Variants in MAGI3 observed in about 807,000 individuals in gnomAD.
MAGI3 encodes membrane-associated guanylate kinase, WW and PDZ domain-containing protein 3.
A neutral mutation model predicts 121.8 loss-of-function variants in MAGI3; 43 were observed. The ratio of observed to expected loss-of-function variants is 0.35; its 90% CI spans 0.28 to 0.46. The LOEUF is 0.46. Ranked by LOEUF, MAGI3 falls within the 20% of genes least tolerant of loss-of-function variation. MAGI3 has a pLI of 1.00. For missense variants in MAGI3, 1,547 were observed against 1,797.3 expected (o/e 0.86, Z 2.52); for synonymous variants, 553 against 639.3 (o/e 0.86, Z 2.04).
At chr1:113,582,758 G>A (rs1648116495) in intron 3 of MAGI3, among the ~76,000 whole-genome samples, 2 of 151,958 alleles carry the variant, frequency 1.3e-5, no homozygotes, top group East Asian at 3.9e-4. Context: ...TTTAATTGTA[G>A]ATGTGGCCAT....
rs183311135 is a variant in MAGI3 at position 113,626,241 on chromosome 1, A to G, written c.1360+3247A>G. Among the ~76,000 whole-genome samples, 3 of 152,332 alleles carry G rather than the reference A, an allele frequency of 2.0e-5. No individual in the cohort carries two copies. The East Asian group carries it at 5.8e-4, about 29-fold the overall frequency. On this transcript the variant is annotated intron_variant, in intron 9 of 20. Transcript: ENST00000307546. ...CAAATGATTATAGTTTTTATCCTTCATTCTGTTGATACCATGTATCACACT... is the reference window on the plus strand; with the variant it reads ...CAAATGATTATAGTTTTTATCCTTCGTTCTGTTGATACCATGTATCACACT...
chr1:113,562,120 T>A (rs1002070362), intron 2 of MAGI3, among the ~76,000 whole-genome samples: 1 of 152,068 alleles, frequency 6.6e-6, no homozygotes, highest in African/African-American at 2.4e-5. Flanking sequence ...TCAGAGATGA[T>A]GATGGCTGAG....
rs765368946 is a variant in MAGI3 at position 113,396,146 on chromosome 1, CAG to C, written c.316+4800_316+4801del. 3.6e-4 allele frequency among the ~76,000 whole-genome samples: 55 copies of C among 152,178 alleles called. No individual in the cohort carries two copies. The Middle Eastern group carries it at 0.01, about 28-fold the overall frequency. On this transcript the variant is annotated intron_variant, in intron 1 of 20. Coordinates refer to ENST00000307546, the MANE Select transcript of MAGI3 (RefSeq NM_001142782.2). ...AATCTTCTCAAGTGATAGTTTCATACAGAGTCTTTACTATGTAACCCCTAAGT... is the reference window on the plus strand; with the variant it reads ...AATCTTCTCAAGTGATAGTTTCATACAGTCTTTACTATGTAACCCCTAAGT...
chr1:113,609,018 G>C (rs993876350), intron 6 of MAGI3, among the ~76,000 whole-genome samples: 2 of 152,018 alleles, frequency 1.3e-5, no homozygotes, highest in Non-Finnish European at 2.9e-5. Context: ...TTTAATATGG[G>C]CTACTCTCCC....
rs1326761156 is a variant in MAGI3, at chr1:113,415,424, T to A, written c.316+24075T>A. ...AATTGGCTATTTTCAGAGGTTTGTGTATACCAGCAATAGTTGAGAATGAAT... is the reference window on the plus strand; with the variant it reads ...AATTGGCTATTTTCAGAGGTTTGTGAATACCAGCAATAGTTGAGAATGAAT... On this transcript the variant is annotated intron_variant, in intron 1 of 20. Coordinates refer to ENST00000307546, the MANE Select transcript of MAGI3 (RefSeq NM_001142782.2). Among the ~76,000 whole-genome samples the A allele has an allele frequency of 2.0e-5, 3 of 152,212 alleles. 1 individual carries two copies. The East Asian group carries it at 5.8e-4, about 29-fold the overall frequency.
rs150623953 is a variant in MAGI3, at chr1:113,683,905, C to T, written c.4337C>T (p.Pro1446Leu). 5.3e-4 allele frequency: 853 copies of T among 1,611,700 alleles called. 6 individuals carry two copies. In the African/African-American group the frequency reaches 9.6e-3, roughly 18 times the overall value. Residue 1446 changes from proline (P) to leucine (L), a missense_variant, in exon 21 of 21, where the codon CCG (proline) becomes CTG (leucine). Physicochemically the swap from Pro to Leu is moderately conservative, Grantham distance 98 (BLOSUM62 -3). Coordinates refer to ENST00000307546, the MANE Select transcript of MAGI3 (RefSeq NM_001142782.2). ...AACAAAGAGACTGGAAGGTTCAAAC[C>T]GGAAAGCAGTTCTCCAGTTAAGAAA... is the stretch of plus-strand genomic sequence containing the variant. ...DKNKETGRFK[P>L]ESSSPVKKTL...
chr1:113,442,326 G>A (rs945457382), intron 1 of MAGI3, among the ~76,000 whole-genome samples: 15 of 152,108 alleles, frequency 9.9e-5, no homozygotes, highest in African/African-American at 3.1e-4. Context: ...ATCTCATGCC[G>A]ATTAGTTAAC....
At chr1:113,409,892 A>G (rs1570631086) in intron 1 of MAGI3, among the ~76,000 whole-genome samples, 1 of 152,264 alleles carries the variant, frequency 6.6e-6, no homozygotes, top group African/African-American at 2.4e-5. Flanking sequence ...TTTCCTCTTA[A>G]CTTCCTGTGT....
At chr1:113,664,267 T>A (rs1653924900) in intron 16 of MAGI3, among the ~76,000 whole-genome samples, 1 of 152,256 alleles carries the variant, frequency 6.6e-6, no homozygotes, top group South Asian at 2.1e-4. Context: ...TTTTAAGATT[T>A]ATCTGCATTG....
chr1:113,518,288 T>G (rs746535935), intron 1 of MAGI3, among the ~76,000 whole-genome samples: 1 of 152,126 alleles, frequency 6.6e-6, no homozygotes, highest in African/African-American at 2.4e-5. Flanking sequence ...TTTCCTGTGT[T>G]TTGATATTTC....
At chr1:113,619,950 GTTA>G in intron 8 of MAGI3, 120 bp downstream of exon 8, 1 of 626,844 alleles carries the variant, frequency 1.6e-6, no homozygotes, top group Non-Finnish European at 2.8e-6. Context: ...GTGTCTAGTT[GTTA>G]CTGTAAAGAT....
At chr1:113,466,047 T>G (rs1475531186) in intron 1 of MAGI3, among the ~76,000 whole-genome samples, 1 of 152,152 alleles carries the variant, frequency 6.6e-6, no homozygotes, top group Admixed American at 6.6e-5. Flanking sequence ...ATACAAGTGG[T>G]GAAAATGGAT....
At chr1:113,563,827 A>G (rs1360982049) in intron 2 of MAGI3, among the ~76,000 whole-genome samples, 1 of 152,166 alleles carries the variant, frequency 6.6e-6, no homozygotes. Flanking sequence ...CCTGCCTGTT[A>G]AATCCCTGAC....
At chr1:113,512,476 T>A (rs1657666264) in intron 1 of MAGI3, among the ~76,000 whole-genome samples, 1 of 152,218 alleles carries the variant, frequency 6.6e-6, no homozygotes, top group South Asian at 2.1e-4. Context: ...CTCCTCAACA[T>A]GTAGTTTGTT....
At chr1:113,426,889 A>G (rs1653033475) in intron 1 of MAGI3, among the ~76,000 whole-genome samples, 1 of 151,972 alleles carries the variant, frequency 6.6e-6, no homozygotes, top group Admixed American at 6.6e-5. Context: ...ATTTAAGGTA[A>G]TTATTAATAT....
At chr1:113,452,993 C>T (rs542394278) in intron 1 of MAGI3, among the ~76,000 whole-genome samples, 38 of 152,082 alleles carry the variant, frequency 2.5e-4, no homozygotes, top group Non-Finnish European at 4.0e-4. Flanking sequence ...CCACTGTGCA[C>T]GCAAAAGTCA....
In MAGI3 at chr1:113,517,925, C is replaced by T. The variant is rs182184163; in HGVS notation, c.317-31590C>T. Among the ~76,000 whole-genome samples the T allele has an allele frequency of 9.2e-5, 14 of 152,050 alleles. No homozygotes were observed. The South Asian group carries it at 2.7e-3, about 29-fold the overall frequency. On this transcript the variant is annotated intron_variant, in intron 1 of 20. Transcript: ENST00000307546. ...CTTTCTCTCACTATGTCTTCCACAT[C>T]TATGGGTTTAAAACAGAAATTTGAT...
chr1:113,654,703 G>C (rs1480489209), intron 15 of MAGI3, among the ~76,000 whole-genome samples: 1 of 151,884 alleles, frequency 6.6e-6, no homozygotes, highest in African/African-American at 2.4e-5. Flanking sequence ...TTACGATTCA[G>C]CAAATGAAAT....
chr1:113,660,150 G>A (rs572544947), intron 16 of MAGI3, among the ~76,000 whole-genome samples: 5 of 152,042 alleles, frequency 3.3e-5, no homozygotes, highest in Non-Finnish European at 2.9e-5. Flanking sequence ...ACATAAATCT[G>A]TTCAAGATGC....
Sources: gnomAD v4.1 joint callset for allele counts (sites outside exome capture counted in the v4.1 genomes callset) on GRCh38, gnomAD v4.1.1 for gene constraint, MANE v1.5 for transcripts, NCBI Gene and HGNC (gene_info 2026-07-23, HGNC 2026-07-21) for gene names.